CDH13: variants seen among roughly 807,000 people sequenced by gnomAD.
The protein encoded by CDH13 is cadherin 13, also known as cadherin-13.
In CDH13, 24 loss-of-function variants were observed where a neutral mutation model predicts 63.8. That is an observed-to-expected ratio of 0.38 (90% confidence interval 0.27 to 0.53). The LOEUF is 0.53. CDH13 is among the 20% of genes least tolerant of loss of function. The pLI, the probability that CDH13 is intolerant of heterozygous loss-of-function variation, is 0.85. For missense variants in CDH13, 1,049 were observed against 903.1 expected, an observed-to-expected ratio of 1.16 and a Z score of -2.07; for synonymous variants, 503 against 355.3, an observed-to-expected ratio of 1.42 and a Z score of -4.67.
chr16:82,884,475 C>T (rs1161107029), intron 2 of CDH13: 2 of 271,304 alleles, frequency 7.4e-6, no homozygotes, highest in African/African-American at 2.2e-5. Context: ...ATTTTCAAGT[C>T]CTTGGAGGCA....
At chr16:83,537,279 A>C (rs2075209747) in intron 7 of CDH13, among the ~76,000 whole-genome samples, 1 of 152,218 alleles carries the variant, frequency 6.6e-6, no homozygotes, top group South Asian at 2.1e-4. Context: ...TCCTGAGCCA[A>C]CTGGGACAAT....
rs757433622 is a variant in CDH13, at chr16:82,858,314, C to T, written c.46-48C>T. 25 of 1,284,468 alleles carry T rather than the reference C, an allele frequency of 1.9e-5. No homozygotes were observed. The East Asian group carries it at 5.8e-4, about 30-fold the overall frequency. 79.6% of individuals were successfully genotyped at this position (1,284,468 alleles called of 1,614,324 possible). A position where few individuals can be genotyped will look rare whatever the true frequency, so the allele number is the denominator to read the frequency against. ...GCGGATTTGGCGAAAGTTAGCAGGGCAAACACATAAGCCGCTATTAAAATA... is the reference window on the plus strand; with the variant it reads ...GCGGATTTGGCGAAAGTTAGCAGGGTAAACACATAAGCCGCTATTAAAATA... On this transcript the variant is annotated intron_variant, in intron 1 of 13. Transcript: ENST00000567109.
At chr16:82,904,754 C>G (rs1205073515) in intron 2 of CDH13, among the ~76,000 whole-genome samples, 2 of 152,176 alleles carry the variant, frequency 1.3e-5, no homozygotes, top group Admixed American at 1.3e-4. Context: ...TCAGTATTTA[C>G]CAGAGCCAGC....
At chr16:83,691,677 C>A (rs532656782) in intron 10 of CDH13, among the ~76,000 whole-genome samples, 1 of 152,076 alleles carries the variant, frequency 6.6e-6, no homozygotes, top group South Asian at 2.1e-4. Context: ...ATCAGCATAT[C>A]CTGAGTCTAT....
At chr16:83,202,887 A>G (rs769471873) in intron 4 of CDH13, among the ~76,000 whole-genome samples, 4 of 152,184 alleles carry the variant, frequency 2.6e-5, no homozygotes, top group Non-Finnish European at 5.9e-5. Context: ...TAGACACTGA[A>G]GACTCCAGAA....
intron 10 of CDH13, among the ~76,000 whole-genome samples, chr16:83,725,124 A>G (rs1280533631): frequency 6.6e-6 from 1 of 152,212 alleles, no homozygotes; most frequent in Non-Finnish European, 1.5e-5. Flanking sequence ...ACACTACAAT[A>G]TAACAGCAGC....
intron 5 of CDH13, among the ~76,000 whole-genome samples, chr16:83,220,671 G>GAA (rs770496643): frequency 7.6e-6 from 1 of 131,364 alleles, no homozygotes. Flanking sequence ...AAAAGAAAAA[G>GAA]AAAAAAAAAA....
chr16:83,173,444 G>T (rs1007456909), intron 4 of CDH13, among the ~76,000 whole-genome samples: 1 of 152,016 alleles, frequency 6.6e-6, no homozygotes, highest in African/African-American at 2.4e-5. Context: ...ATAGTTAACC[G>T]TGGGTCTCTT....
intron 1 of CDH13, among the ~76,000 whole-genome samples, chr16:82,796,772 A>G (rs1038852325): frequency 9.2e-5 from 14 of 152,232 alleles, no homozygotes; most frequent in Non-Finnish European, 7.3e-5. Context: ...TAAGGAAGTT[A>G]TGGGAGATCC....
chr16:83,456,689 G>T (rs887179780), intron 6 of CDH13, among the ~76,000 whole-genome samples: 2 of 152,124 alleles, frequency 1.3e-5, no homozygotes, highest in Non-Finnish European at 2.9e-5. Flanking sequence ...GGGGCTGGGC[G>T]CAGGGTTCAT....
At chr16:83,781,350 C>G (rs1044488985) in intron 12 of CDH13, among the ~76,000 whole-genome samples, 3 of 152,236 alleles carry the variant, frequency 2.0e-5, no homozygotes, top group Non-Finnish European at 4.4e-5. Flanking sequence ...ACATTAGACA[C>G]TATGTCTTCA....
At chr16:83,504,384 C>A (rs35977570) in intron 7 of CDH13, among the ~76,000 whole-genome samples, 2 of 152,032 alleles carry the variant, frequency 1.3e-5, no homozygotes, top group Non-Finnish European at 1.5e-5. Context: ...GGTATTTCTT[C>A]AGCTCAGAAC....
intron 10 of CDH13, among the ~76,000 whole-genome samples, chr16:83,738,112 T>C (rs1335210976): frequency 6.6e-6 from 1 of 152,236 alleles, no homozygotes. Context: ...TGATTTACGA[T>C]GTGAGGGAGC....
chr16:82,669,798 G>A (rs369827800), intron 1 of CDH13, among the ~76,000 whole-genome samples: 11 of 152,164 alleles, frequency 7.2e-5, no homozygotes, highest in Non-Finnish European at 1.2e-4. Context: ...TACCCCAGCC[G>A]GGTTGGTAGG....
At chr16:82,883,172 G>A (rs770177911) in intron 2 of CDH13, among the ~76,000 whole-genome samples, 70 of 152,316 alleles carry the variant, frequency 4.6e-4, no homozygotes, top group Admixed American at 1.0e-3. Context: ...GGCTTGAAGT[G>A]CATGCCAGTT....
chr16:83,401,251 A>C (rs912542648), intron 6 of CDH13, among the ~76,000 whole-genome samples: 10 of 151,982 alleles, frequency 6.6e-5, no homozygotes, highest in Non-Finnish European at 1.3e-4. Flanking sequence ...AGGCAGGAGA[A>C]TCGCTTGAAC....
intron 1 of CDH13, among the ~76,000 whole-genome samples, chr16:82,719,151 C>G (rs565126708): frequency 1.2e-4 from 19 of 152,124 alleles, no homozygotes; most frequent in Non-Finnish European, 2.5e-4. Flanking sequence ...TGTTTTTCTG[C>G]TGGGGCTGTT....
At chr16:83,251,236 G>A (rs1905492059) in intron 5 of CDH13, among the ~76,000 whole-genome samples, 1 of 152,140 alleles carries the variant, frequency 6.6e-6, no homozygotes, top group South Asian at 2.1e-4. Flanking sequence ...TTACAACTGT[G>A]TGTGAATCAA....
chr16:82,797,295 C>A (rs1334697288), intron 1 of CDH13, among the ~76,000 whole-genome samples: 1 of 152,158 alleles, frequency 6.6e-6, no homozygotes, highest in Non-Finnish European at 1.5e-5. Context: ...TGTGGTTCAA[C>A]AGTACAGTGG....
Sources: gnomAD v4.1 joint callset for allele counts (sites outside exome capture counted in the v4.1 genomes callset) on GRCh38, gnomAD v4.1.1 for gene constraint, MANE v1.5 for transcripts, NCBI Gene and HGNC (gene_info 2026-07-23, HGNC 2026-07-21) for gene names.